Variants in FCHSD2 observed in about 807,000 individuals in gnomAD.
FCHSD2 encodes F-BAR and double SH3 domains protein 2.
Under a neutral mutation model 108.1 loss-of-function variants are expected in FCHSD2, and 38 were observed. The ratio of observed to expected loss-of-function variants is 0.35; its 90% CI spans 0.27 to 0.46. The LOEUF (loss-of-function observed/expected upper bound fraction) is 0.46, where lower values mean the gene tolerates loss of function less well. Ranked by LOEUF, FCHSD2 falls within the 20% of genes least tolerant of loss-of-function variation. FCHSD2 has a pLI of 1.00. For missense variants in FCHSD2, 751 were observed against 897.8 expected (o/e 0.84, Z 2.09); for synonymous variants, 279 against 314.7 (o/e 0.89, Z 1.20).
intron 2 of FCHSD2, among the ~76,000 whole-genome samples, chr11:73,088,222 A>G (rs1224065432): frequency 2.6e-5 from 4 of 152,076 alleles, no homozygotes; most frequent in Admixed American, 6.6e-5. Context: ...CTACATTTAG[A>G]TATGTTTTGA....
chr11:72,983,468 T>A (rs1857254805), intron 8 of FCHSD2, among the ~76,000 whole-genome samples: 1 of 151,822 alleles, frequency 6.6e-6, no homozygotes, highest in Non-Finnish European at 1.5e-5. Flanking sequence ...ACCTTGTCTC[T>A]AAAAAATTAA....
intron 3 of FCHSD2, among the ~76,000 whole-genome samples, chr11:73,033,621 T>C (rs954714615): frequency 3.3e-5 from 5 of 152,142 alleles, no homozygotes; most frequent in Non-Finnish European, 7.3e-5. Context: ...ATATCCACAC[T>C]CCCAAACCAG....
intron 3 of FCHSD2, among the ~76,000 whole-genome samples, chr11:73,064,736 C>A (rs1266728063): frequency 2.0e-5 from 3 of 152,080 alleles, no homozygotes; most frequent in Non-Finnish European, 1.5e-5. Context: ...CACCTGCATG[C>A]AAATAAACTA....
At chr11:73,000,884 CAT>C in intron 5 of FCHSD2, 104 bp downstream of exon 5, 1 of 957,088 alleles carries the variant, frequency 1.0e-6, no homozygotes, top group Non-Finnish European at 1.5e-6. Flanking sequence ...CAACCAGAAA[CAT>C]ATGGGACCAT....
intron 8 of FCHSD2, among the ~76,000 whole-genome samples, chr11:72,945,925 G>T (rs7951562): frequency 4.6e-5 from 7 of 152,100 alleles, no homozygotes; most frequent in Admixed American, 6.6e-5. Context: ...TGGAGAAATA[G>T]GAACACTTTT....
chr11:73,127,857 G>A (rs919274031), intron 2 of FCHSD2, among the ~76,000 whole-genome samples: 8 of 151,806 alleles, frequency 5.3e-5, no homozygotes, highest in African/African-American at 1.5e-4. Flanking sequence ...GTTGGGGGGC[G>A]GGGGTGGGAA....
intron 3 of FCHSD2, among the ~76,000 whole-genome samples, chr11:73,023,562 G>A (rs1185431591): frequency 2.0e-5 from 3 of 152,180 alleles, no homozygotes; most frequent in Non-Finnish European, 4.4e-5. Flanking sequence ...CAGAGTTACA[G>A]AGTACTCCTT....
At chr11:72,917,830 G>A (rs1031890531) in intron 9 of FCHSD2, among the ~76,000 whole-genome samples, 2 of 152,060 alleles carry the variant, frequency 1.3e-5, no homozygotes, top group Admixed American at 1.3e-4. Context: ...GGAGGTTGCA[G>A]TGAGCTGAGC....
At chr11:73,074,253 T>G (rs1859497488) in intron 3 of FCHSD2, among the ~76,000 whole-genome samples, 1 of 152,218 alleles carries the variant, frequency 6.6e-6, no homozygotes, top group Non-Finnish European at 1.5e-5. Flanking sequence ...TAAACTTTTC[T>G]ATATGGATTT....
At chr11:72,883,804 C>T (rs546664284) in intron 12 of FCHSD2, among the ~76,000 whole-genome samples, 9 of 152,024 alleles carry the variant, frequency 5.9e-5, no homozygotes, top group African/African-American at 1.9e-4. Flanking sequence ...TGGTGGAGTG[C>T]GCCTGTATTC....
rs187516175 is a variant in FCHSD2 at position 72,923,519 on chromosome 11, C to T, written c.706-1569G>A. Among the ~76,000 whole-genome samples the T allele has an allele frequency of 2.2e-4, 34 of 151,998 alleles. No homozygotes were observed. In the East Asian group the frequency reaches 4.1e-3, roughly 18 times the overall value. Reference sequence around the variant, plus strand: ...TGAAAGCCATATTAGTGATTAGGAACGGTATATCTTTGTAGTTTTGATTTG... The same window carrying T: ...TGAAAGCCATATTAGTGATTAGGAATGGTATATCTTTGTAGTTTTGATTTG... On this transcript the variant is annotated intron_variant, in intron 8 of 19. Coordinates refer to ENST00000409418, the MANE Select transcript of FCHSD2 (RefSeq NM_014824.3).
intron 10 of FCHSD2, among the ~76,000 whole-genome samples, chr11:72,899,723 A>C: frequency 7.2e-6 from 1 of 138,802 alleles, no homozygotes; most frequent in African/African-American, 2.7e-5. Flanking sequence ...GTGACAGAGT[A>C]AGACCCTATC....
At chr11:73,001,197 T>C in intron 4 of FCHSD2, 63 bp from the exon 5 acceptor site, 1 of 1,465,214 alleles carries the variant, frequency 6.8e-7, no homozygotes, top group Non-Finnish European at 9.5e-7. Context: ...TTGGCTAACC[T>C]TTTGCTCACA....
intron 2 of FCHSD2, among the ~76,000 whole-genome samples, chr11:73,085,683 G>A (rs1026816539): frequency 6.6e-6 from 1 of 151,644 alleles, no homozygotes; most frequent in African/African-American, 2.4e-5. Flanking sequence ...GCTCAGTACA[G>A]ACTACCTACA....
At chr11:72,862,165 C>T (rs1285274648) in intron 13 of FCHSD2, among the ~76,000 whole-genome samples, 1 of 152,170 alleles carries the variant, frequency 6.6e-6, no homozygotes, top group Non-Finnish European at 1.5e-5. Flanking sequence ...TAACTTCATA[C>T]TTAATGGTGA....
At chr11:72,879,901 A>T (rs1191600906) in intron 12 of FCHSD2, among the ~76,000 whole-genome samples, 1 of 151,292 alleles carries the variant, frequency 6.6e-6, no homozygotes, top group Non-Finnish European at 1.5e-5. Flanking sequence ...TGAGAGACTG[A>T]GGCCGAACAA....
intron 13 of FCHSD2, among the ~76,000 whole-genome samples, chr11:72,858,644 T>C (rs1245291341): frequency 2.0e-5 from 3 of 152,040 alleles, no homozygotes; most frequent in Non-Finnish European, 4.4e-5. Context: ...AGGGAGAGGA[T>C]CAGGAAAAAT....
chr11:73,021,252 G>C (rs1305630629), intron 3 of FCHSD2, among the ~76,000 whole-genome samples: 4 of 151,246 alleles, frequency 2.6e-5, no homozygotes, highest in Non-Finnish European at 5.9e-5. Flanking sequence ...AAAAAAACAG[G>C]CACACATACG....
At chr11:73,112,779 G>A (rs1860517826) in intron 2 of FCHSD2, among the ~76,000 whole-genome samples, 1 of 152,144 alleles carries the variant, frequency 6.6e-6, no homozygotes. Flanking sequence ...CTCCTGAGTA[G>A]CTGGGGTTAC....
Sources: allele counts gnomAD v4.1 joint callset (sites outside exome capture counted in the v4.1 genomes callset), GRCh38; gene constraint gnomAD v4.1.1; transcripts MANE v1.5; gene names NCBI Gene and HGNC (gene_info 2026-07-23, HGNC 2026-07-21).